Variants in CFLAR observed in about 807,000 individuals in gnomAD.
CFLAR encodes the protein CASP8 and FADD-like apoptosis regulator.
CFLAR carries 14 observed loss-of-function variants against 51.1 expected under a neutral mutation model. The observed-to-expected ratio is 0.27, with a 90% CI of 0.18 to 0.43. CFLAR has a LOEUF of 0.43. Among genes scored for constraint, CFLAR ranks in the 20% least tolerant of loss-of-function variants. The probability of loss-of-function intolerance (pLI) is 1.00; values close to 1 mark genes in which losing one functional copy is unlikely to be tolerated. For missense variants in CFLAR, 390 were observed against 566.5 expected (o/e 0.69, Z 3.16); for synonymous variants, 210 against 211.6 (o/e 0.99, Z 0.06).
chr2:201,137,856 A>G, intron 4 of CFLAR: 1 of 892,272 alleles, frequency 1.1e-6, no homozygotes. Context: ...TCCGTCTGAG[A>G]AGAAGCACTC....
intron 1 of CFLAR, chr2:201,129,268 G>A: frequency 6.5e-6 from 1 of 153,060 alleles, no homozygotes; most frequent in Non-Finnish European, 1.5e-5. Context: ...TTTGTTCAAG[G>A]CCACGTGGGT....
chr2:201,137,834 C>T (rs2050352520), intron 4 of CFLAR: 3 of 1,119,966 alleles, frequency 2.7e-6, no homozygotes, highest in Non-Finnish European at 4.1e-6. Context: ...CCTGGTACTT[C>T]TTGAGCTGCA....
At chr2:201,120,158 C>CTACA (rs2048057002) in intron 1 of CFLAR, among the ~76,000 whole-genome samples, 1 of 149,604 alleles carries the variant, frequency 6.7e-6, no homozygotes, top group Non-Finnish European at 1.5e-5. Context: ...GTAGCTGGAA[C>CTACA]TACAGGTGTG....
intron 9 of CFLAR, chr2:201,163,527 TAC>T (rs1943262496): frequency 8.6e-7 from 1 of 1,164,544 alleles, no homozygotes; most frequent in Admixed American, 4.4e-5. Flanking sequence ...CCAAGATAGA[TAC>T]TCCATGGGCC....
Position 201,138,904 on chromosome 2 carries a change from C to T in CFLAR, c.524-1453C>T. 2 of 673,652 alleles carry T rather than the reference C, an allele frequency of 3.0e-6. No homozygotes were observed. Among genetic ancestry groups the T allele is most frequent in the Non-Finnish European group, 5.6e-6 (2 of 359,144 alleles). 41.7% of individuals were successfully genotyped at this position (673,652 alleles called of 1,614,324 possible). On this transcript the variant is annotated intron_variant, in intron 4 of 9. Coordinates refer to ENST00000309955, the MANE Select transcript of CFLAR (RefSeq NM_003879.7). The surrounding 1 kb of genome is among the most constrained non-coding windows in gnomAD (Gnocchi z 4.0). ...GTGACCATTGGGTCAGGGCTGAGGT[C>T]AGGTCCACCTCATCAGCTATGAAGT...
At chr2:201,153,478 G>T (rs1327005569) in intron 8 of CFLAR, 2 of 152,178 alleles carry the variant, frequency 1.3e-5, no homozygotes, top group South Asian at 2.1e-4. Context: ...GGTTGAAAAT[G>T]GTTGTTATTA....
rs930577143 is a variant in CFLAR at position 201,169,838 on chromosome 2, C to T, written c.*5865C>T. 1 of 151,990 alleles carries T rather than the reference C, an allele frequency of 6.6e-6. No individual in the cohort carries two copies. Among genetic ancestry groups the T allele is most frequent in the Non-Finnish European group, 1.5e-5 (1 of 67,980 alleles). 9.4% of individuals were successfully genotyped at this position (151,990 alleles called of 1,614,324 possible). On this transcript the variant is annotated 3_prime_UTR_variant, in exon 10 of 10. Coordinates refer to ENST00000309955, the MANE Select transcript of CFLAR (RefSeq NM_003879.7). Reference sequence around the variant, plus strand: ...CAAAAGAAGACATTTATGTGGCCAACAAACATATAAAAAAAAGCTCAACCT... The same window carrying T: ...CAAAAGAAGACATTTATGTGGCCAATAAACATATAAAAAAAAGCTCAACCT...
At chr2:201,137,734 C>G in intron 4 of CFLAR, 1 of 798,718 alleles carries the variant, frequency 1.3e-6, no homozygotes, top group East Asian at 2.4e-5. Flanking sequence ...GAGCCCAAGA[C>G]ATCCTGCGTG....
intron 9 of CFLAR, 120 bp downstream of exon 9, chr2:201,161,062 C>G (rs1184293573): frequency 1.4e-6 from 1 of 689,704 alleles, no homozygotes; most frequent in South Asian, 1.8e-5. Context: ...GAGATTTTCC[C>G]TCCTGCATTG....
Position 201,138,145 on chromosome 2 carries a change from T to A in CFLAR, c.523+2038T>A. The A allele has an allele frequency of 1.2e-6, 1 of 827,682 alleles. No homozygotes were observed. The allele number at this position is 827,682 out of a possible 1,614,324, so 51.3% of individuals were successfully genotyped here. On this transcript the variant is annotated intron_variant, in intron 4 of 9. Transcript: ENST00000309955. This position sits in a 1 kb window ranked among gnomAD's most constrained non-coding sequence, Gnocchi z 4.0. ...CAATCAGGTTGTTGGCCTGGGCTGCTGTCACCACGTTCCCCCCAATCACCT... is the reference window on the plus strand; with the variant it reads ...CAATCAGGTTGTTGGCCTGGGCTGCAGTCACCACGTTCCCCCCAATCACCT...
Position 201,160,871 on chromosome 2 carries a change from C to T in CFLAR, c.1233C>T (p.Ser411=), listed in dbSNP as rs763976904. Reference sequence around the variant, plus strand: ...GGAGCCTGTGTACTGCGGACATGTCCCTGCTGGAGCAGTCTCACAGCTCAC... The same window carrying T: ...GGAGCCTGTGTACTGCGGACATGTCTCTGCTGGAGCAGTCTCACAGCTCAC... ...FFWSLCTADM[S]LLEQSHSSPS... is the part of the protein sequence containing the mutation. Residue 411 remains serine (S), a synonymous_variant, in exon 9 of 10, where the codon TCC becomes TCT. Coordinates refer to ENST00000309955, the MANE Select transcript of CFLAR (RefSeq NM_003879.7). 1.2e-6 allele frequency: 2 copies of T among 1,612,346 alleles called. No individual in the cohort carries two copies. The highest frequency in any genetic ancestry group is 1.7e-6 in the Non-Finnish European group (2 of 1,178,632).
chr2:201,123,821 C>G (rs2048423128), intron 1 of CFLAR, among the ~76,000 whole-genome samples: 1 of 152,156 alleles, frequency 6.6e-6, no homozygotes, highest in Non-Finnish European at 1.5e-5. Context: ...GTGAGATGGC[C>G]ACATTCTACT....
At chr2:201,125,687 C>T (rs2048607409) in intron 1 of CFLAR, among the ~76,000 whole-genome samples, 1 of 151,944 alleles carries the variant, frequency 6.6e-6, no homozygotes, top group Admixed American at 6.6e-5. Context: ...AGGTTTCCCA[C>T]ACTCCTTGAA....
Position 201,118,325 on chromosome 2 carries a change from C to A in CFLAR, c.-138+1844C>A, listed in dbSNP as rs1321450529. ...TTGCAGGGTCGCTGGGTTTCCCCCTCCCCCCGAAAGTCTTGCGCGACCCGG... is the reference window on the plus strand; with the variant it reads ...TTGCAGGGTCGCTGGGTTTCCCCCTACCCCCGAAAGTCTTGCGCGACCCGG... On this transcript the variant is annotated intron_variant, in intron 1 of 9. Coordinates refer to ENST00000309955, the MANE Select transcript of CFLAR (RefSeq NM_003879.7). This position sits in a 1 kb window ranked among gnomAD's most constrained non-coding sequence, Gnocchi z 5.1. Among the ~76,000 whole-genome samples the A allele has an allele frequency of 6.6e-6, 1 of 152,158 alleles. No homozygotes were observed. The highest frequency in any genetic ancestry group is 1.5e-5 in the Non-Finnish European group (1 of 68,014).
At chr2:201,130,423 G>A (rs1255565392) in intron 2 of CFLAR, among the ~76,000 whole-genome samples, 3 of 140,658 alleles carry the variant, frequency 2.1e-5, no homozygotes, top group African/African-American at 8.1e-5. Context: ...GTGCAGTGGC[G>A]TGATCTTGGC....
intron 8 of CFLAR, chr2:201,150,490 C>G (rs1941095719): frequency 6.6e-6 from 1 of 152,052 alleles, no homozygotes. Context: ...GAGCAAGACC[C>G]TGTCTCAAAA....
At chr2:201,137,337 A>C (rs1250536585) in intron 4 of CFLAR, 1 of 334,744 alleles carries the variant, frequency 3.0e-6, no homozygotes, top group East Asian at 7.6e-5. Context: ...CTGACTCTGC[A>C]GGGGATGCCC....
rs778008665 is a variant in CFLAR at position 201,160,582 on chromosome 2, G to A, written c.944G>A (p.Arg315Gln). 9.9e-6 allele frequency: 16 copies of A among 1,613,844 alleles called. No homozygotes were observed. Among genetic ancestry groups the A allele is most frequent in the Admixed American group, 1.7e-5 (1 of 59,984 alleles). Residue 315 changes from arginine (R) to glutamine (Q), a missense_variant, in exon 9 of 10, where the codon CGA (arginine) becomes CAA (glutamine). This residue lies in a region of CFLAR where 287 missense variants were observed against 363.6 expected (regional missense o/e 0.79). Transcript: ENST00000309955. The part of the protein sequence containing the change: ...YDSFVCVLVS[R>Q]GGSQSVYGVD... Reference sequence around the variant, plus strand: ...AGCTTTGTGTGTGTCCTGGTGAGCCGAGGAGGCTCCCAGAGTGTGTATGGT... The same window carrying A: ...AGCTTTGTGTGTGTCCTGGTGAGCCAAGGAGGCTCCCAGAGTGTGTATGGT...
At chr2:201,158,782 A>G (rs1942596241) in intron 8 of CFLAR, among the ~76,000 whole-genome samples, 1 of 151,976 alleles carries the variant, frequency 6.6e-6, no homozygotes, top group Non-Finnish European at 1.5e-5. Flanking sequence ...ATTGCTCTTC[A>G]AAAAGGCTGT....
Sources: gnomAD v4.1 joint callset for allele counts (sites outside exome capture counted in the v4.1 genomes callset) on GRCh38, gnomAD v4.1.1 for gene constraint, gnomAD v4.1.1 regional missense constraint, Gnocchi (gnomAD v3.1) non-coding constraint, MANE v1.5 for transcripts, NCBI Gene and HGNC (gene_info 2026-07-23, HGNC 2026-07-21) for gene names.